Variants in SYT1 observed in about 807,000 individuals in gnomAD.
SYT1 encodes synaptotagmin-1.
A neutral mutation model predicts 44.8 loss-of-function variants in SYT1; 8 were observed. The ratio of observed to expected loss-of-function variants is 0.18; its 90% confidence interval spans 0.10 to 0.32. The LOEUF (loss-of-function observed/expected upper bound fraction) is 0.32. Among genes scored for constraint, SYT1 ranks in the 10% least tolerant of loss-of-function variants. The probability of loss-of-function intolerance (pLI) is 1.00; values close to 1 mark genes in which losing one functional copy is unlikely to be tolerated. For missense variants in SYT1, 286 were observed against 509.3 expected (o/e 0.56, Z 4.22); for synonymous variants, 154 against 188.8 (o/e 0.82, Z 1.51).
At chr12:79,423,816 G>A (rs1411768361) in intron 9 of SYT1, among the ~76,000 whole-genome samples, 1 of 151,844 alleles carries the variant, frequency 6.6e-6, no homozygotes, top group Non-Finnish European at 1.5e-5. Flanking sequence ...ACAGATGGAG[G>A]CAAGCAGAGA....
intron 1 of SYT1, among the ~76,000 whole-genome samples, chr12:78,887,274 A>G (rs556376647): frequency 4.6e-4 from 70 of 152,110 alleles, no homozygotes; most frequent in African/African-American, 1.7e-3. Flanking sequence ...GTCACTTAGT[A>G]GTCCTGGCAG....
At position 78,886,624 on chromosome 12, in the gene SYT1, C is replaced by T. The variant is rs553849476; in HGVS notation, c.-217+21515C>T. Among the ~76,000 whole-genome samples, 7 of 152,100 alleles carry T rather than the reference C, an allele frequency of 4.6e-5. No individual in the cohort carries two copies. The South Asian group carries it at 1.5e-3, about 32-fold the overall frequency. Reference sequence around the variant, plus strand: ...ACATACTCCTGATGTTTTTAATACACAGTCAGCAAGTATTTACCTATTGCC... The same window carrying T: ...ACATACTCCTGATGTTTTTAATACATAGTCAGCAAGTATTTACCTATTGCC... On this transcript the variant is annotated intron_variant, in intron 1 of 10. Coordinates refer to ENST00000261205, the MANE Select transcript of SYT1 (RefSeq NM_005639.3).
At chr12:78,977,267 T>C (rs1868914501) in intron 1 of SYT1, among the ~76,000 whole-genome samples, 1 of 152,154 alleles carries the variant, frequency 6.6e-6, no homozygotes. Flanking sequence ...TGTCTTTCCT[T>C]TTTATTAGCA....
intron 4 of SYT1, among the ~76,000 whole-genome samples, chr12:79,231,174 A>T (rs1875844337): frequency 6.6e-6 from 1 of 152,214 alleles, no homozygotes; most frequent in Non-Finnish European, 1.5e-5. Flanking sequence ...CAGAAACCAG[A>T]GGGAATGTAT....
chr12:79,230,073 A>G (rs1306576426), intron 4 of SYT1, among the ~76,000 whole-genome samples: 1 of 152,226 alleles, frequency 6.6e-6, no homozygotes, highest in African/African-American at 2.4e-5. Flanking sequence ...ATTGTTCTGA[A>G]TCCCACACAA....
At chr12:78,893,416 A>G (rs982757199) in intron 1 of SYT1, among the ~76,000 whole-genome samples, 6 of 151,802 alleles carry the variant, frequency 4.0e-5, no homozygotes, top group Non-Finnish European at 8.8e-5. Context: ...TGTTAAGCAT[A>G]ACTTTCAAAG....
intron 3 of SYT1, among the ~76,000 whole-genome samples, chr12:79,158,982 A>G (rs1404830032): frequency 2.6e-5 from 4 of 152,214 alleles, no homozygotes. Flanking sequence ...TCCTGAGGCA[A>G]CACAGTTTGT....
chr12:79,341,226 T>G (rs575533944), intron 8 of SYT1: 11 of 152,316 alleles, frequency 7.2e-5, no homozygotes, highest in African/African-American at 2.6e-4. Flanking sequence ...TTATTTATTA[T>G]TAGTATTAAT....
chr12:79,013,059 T>A (rs1372129805), intron 2 of SYT1, among the ~76,000 whole-genome samples: 1 of 152,092 alleles, frequency 6.6e-6, no homozygotes, highest in African/African-American at 2.4e-5. Flanking sequence ...GTCTTTCACA[T>A]GTGAGCTCAG....
intron 3 of SYT1, among the ~76,000 whole-genome samples, chr12:79,128,837 C>T (rs1005326339): frequency 1.3e-5 from 2 of 152,186 alleles, no homozygotes; most frequent in Admixed American, 1.3e-4. Context: ...AACTTCTCTT[C>T]CTGTCAGTTC....
chr12:79,416,051 T>C (rs1309914563), intron 9 of SYT1, among the ~76,000 whole-genome samples: 1 of 152,216 alleles, frequency 6.6e-6, no homozygotes, highest in Non-Finnish European at 1.5e-5. Flanking sequence ...AGAATCATTT[T>C]TGTTTTAGCT....
chr12:79,036,232 G>A (rs532567316), intron 2 of SYT1, among the ~76,000 whole-genome samples: 3 of 151,868 alleles, frequency 2.0e-5, no homozygotes, highest in Non-Finnish European at 4.4e-5. Flanking sequence ...GAGAGATCAT[G>A]TGTAAGTAAG....
At chr12:79,301,589 T>A in intron 8 of SYT1, among the ~76,000 whole-genome samples, 1 of 152,120 alleles carries the variant, frequency 6.6e-6, no homozygotes. Context: ...ATATGGTAAA[T>A]GTTCACTAAG....
At chr12:79,176,523 T>C (rs902691928) in intron 3 of SYT1, among the ~76,000 whole-genome samples, 1 of 152,042 alleles carries the variant, frequency 6.6e-6, no homozygotes, top group Non-Finnish European at 1.5e-5. Flanking sequence ...CATTTGTCAA[T>C]ACTAAATTAA....
intron 4 of SYT1, among the ~76,000 whole-genome samples, chr12:79,261,161 G>A (rs1877809335): frequency 6.6e-6 from 1 of 152,146 alleles, no homozygotes. Context: ...GTACTTTAGA[G>A]CCATAAGTTT....
intron 3 of SYT1, among the ~76,000 whole-genome samples, chr12:79,153,441 G>T (rs1483673499): frequency 1.3e-5 from 2 of 152,076 alleles, no homozygotes; most frequent in Admixed American, 6.6e-5. Context: ...AATTTTGATG[G>T]TTTATTGGCT....
intron 3 of SYT1, among the ~76,000 whole-genome samples, chr12:79,069,868 T>A (rs1006886258): frequency 6.6e-6 from 1 of 152,086 alleles, no homozygotes; most frequent in South Asian, 2.1e-4. Context: ...TGTTTTGAGA[T>A]GCAAAATGGA....
At chr12:79,168,224 C>T (rs1871324095) in intron 3 of SYT1, among the ~76,000 whole-genome samples, 1 of 151,956 alleles carries the variant, frequency 6.6e-6, no homozygotes, top group African/African-American at 2.4e-5. Context: ...TGGTTAGAGC[C>T]TTATTTGAGT....
At chr12:78,889,957 T>C (rs1340528910) in intron 1 of SYT1, among the ~76,000 whole-genome samples, 1 of 151,936 alleles carries the variant, frequency 6.6e-6, no homozygotes, top group Non-Finnish European at 1.5e-5. Flanking sequence ...TGACACAGAC[T>C]GCCCCAAACT....
Sources: allele counts gnomAD v4.1 joint callset (sites outside exome capture counted in the v4.1 genomes callset), GRCh38; gene constraint gnomAD v4.1.1; transcripts MANE v1.5; gene names NCBI Gene and HGNC (gene_info 2026-07-23, HGNC 2026-07-21).